Variants in SLC4A10 observed in about 807,000 individuals in gnomAD.
SLC4A10 encodes the protein sodium-driven chloride bicarbonate exchanger.
Under a neutral mutation model 137.7 loss-of-function variants are expected in SLC4A10, and 42 were observed. The ratio of observed to expected loss-of-function variants is 0.30; its 90% CI spans 0.24 to 0.39. SLC4A10 has a LOEUF of 0.39. Ranked by LOEUF, SLC4A10 falls within the 10% of genes least tolerant of loss-of-function variation. The probability of loss-of-function intolerance (pLI) is 1.00; values close to 1 mark genes in which losing one functional copy is unlikely to be tolerated. For missense variants in SLC4A10, 925 were observed against 1,355.0 expected, an observed-to-expected ratio of 0.68 and a Z score of 4.98; for synonymous variants, 474 against 464.1, an observed-to-expected ratio of 1.02 and a Z score of -0.27.
chr2:161,654,995 C>T lies in SLC4A10; in HGVS notation c.48+30429C>T, dbSNP rs146761135. ...GAATATTTAAACAATATTAAATCTT[C>T]GAATTCATGAACACAGGATATCTTT... On this transcript the variant is annotated intron_variant, in intron 1 of 26. Coordinates refer to ENST00000446997, the MANE Select transcript of SLC4A10 (RefSeq NM_001178015.2). Among the ~76,000 whole-genome samples the T allele has an allele frequency of 5.3e-4, 81 of 152,192 alleles. 1 individual carries two copies. The highest frequency in any genetic ancestry group is 1.9e-3 in the African/African-American group (77 of 41,540).
At chr2:161,812,126 T>C (rs1435455723) in intron 3 of SLC4A10, among the ~76,000 whole-genome samples, 1 of 152,110 alleles carries the variant, frequency 6.6e-6, no homozygotes, top group Non-Finnish European at 1.5e-5. Flanking sequence ...TAGGTTTATG[T>C]ATTTTAATCC....
intron 1 of SLC4A10, among the ~76,000 whole-genome samples, chr2:161,762,366 A>T (rs1553532449): frequency 1.3e-5 from 2 of 152,122 alleles, no homozygotes; most frequent in Admixed American, 6.6e-5. Context: ...TTAGATTTCA[A>T]TTCAGTTAGT....
At chr2:161,801,934 T>A (rs2055411618) in intron 2 of SLC4A10, among the ~76,000 whole-genome samples, 1 of 152,132 alleles carries the variant, frequency 6.6e-6, no homozygotes, top group Admixed American at 6.6e-5. Flanking sequence ...CATGTTTTAA[T>A]GAATACTCTA....
chr2:161,909,771 A>G (rs1261318367), intron 15 of SLC4A10, among the ~76,000 whole-genome samples: 1 of 152,244 alleles, frequency 6.6e-6, no homozygotes, highest in Admixed American at 6.5e-5. Flanking sequence ...AATGAAAATA[A>G]GTTATTGCTA....
At chr2:161,758,732 T>A (rs1030424960) in intron 1 of SLC4A10, among the ~76,000 whole-genome samples, 3 of 151,958 alleles carry the variant, frequency 2.0e-5, no homozygotes, top group African/African-American at 7.2e-5. Flanking sequence ...AACTTGCTAA[T>A]TGCATTTAAA....
At chr2:161,723,674 T>G (rs940871046) in intron 1 of SLC4A10, among the ~76,000 whole-genome samples, 2 of 152,178 alleles carry the variant, frequency 1.3e-5, no homozygotes. Context: ...CTCTTAATAG[T>G]GACTATGCAT....
chr2:161,682,287 T>C (rs189170564), intron 1 of SLC4A10, among the ~76,000 whole-genome samples: 2 of 152,308 alleles, frequency 1.3e-5, no homozygotes, highest in East Asian at 3.9e-4. Flanking sequence ...AAAAACTTGC[T>C]TGCCTGTGGA....
At chr2:161,949,599 G>A (rs1694428939) in intron 18 of SLC4A10, among the ~76,000 whole-genome samples, 2 of 151,976 alleles carry the variant, frequency 1.3e-5, no homozygotes, top group South Asian at 4.1e-4. Context: ...CAGTGAATAA[G>A]GCTTGGAAAA....
rs558080032 is a variant in SLC4A10 at position 161,705,839 on chromosome 2, A to G, written c.49-65134A>G. On this transcript the variant is annotated intron_variant, in intron 1 of 26. Coordinates refer to ENST00000446997, the MANE Select transcript of SLC4A10 (RefSeq NM_001178015.2). ...TTTGGCTCTCTCTTCATTCAGTCCAAGGGTGTTCTGCTAGGTTTTGGCTAC... is the reference window on the plus strand; with the variant it reads ...TTTGGCTCTCTCTTCATTCAGTCCAGGGGTGTTCTGCTAGGTTTTGGCTAC... 1.3e-4 allele frequency among the ~76,000 whole-genome samples: 19 copies of G among 151,634 alleles called. No homozygotes were observed. In the East Asian group the frequency reaches 2.7e-3, roughly 22 times the overall value.
chr2:161,754,085 T>A (rs2125320812), intron 1 of SLC4A10, among the ~76,000 whole-genome samples: 1 of 151,734 alleles, frequency 6.6e-6, no homozygotes, highest in African/African-American at 2.4e-5. Flanking sequence ...AGAGTGTGAG[T>A]TTCACTATGT....
chr2:161,685,410 A>G (rs1337231409), intron 1 of SLC4A10, among the ~76,000 whole-genome samples: 1 of 152,176 alleles, frequency 6.6e-6, no homozygotes, highest in Non-Finnish European at 1.5e-5. Context: ...GTTGGAGATC[A>G]GCCTGGCCAA....
chr2:161,915,328 A>G (rs182469996), intron 15 of SLC4A10, among the ~76,000 whole-genome samples: 66 of 152,254 alleles, frequency 4.3e-4, no homozygotes, highest in African/African-American at 9.6e-5. Flanking sequence ...CCATCCTTCA[A>G]TTTGTCCATG....
chr2:161,810,313 A>T (rs1364132936), intron 3 of SLC4A10, among the ~76,000 whole-genome samples: 1 of 152,060 alleles, frequency 6.6e-6, no homozygotes, highest in Admixed American at 6.6e-5. Context: ...ATCAGCAAAG[A>T]GAGATAGTTT....
intron 23 of SLC4A10, among the ~76,000 whole-genome samples, chr2:161,967,081 T>G (rs1697734561): frequency 1.3e-5 from 2 of 152,172 alleles, no homozygotes; most frequent in Non-Finnish European, 2.9e-5. Context: ...ATTGTTATAA[T>G]GTTGATGAGA....
rs532640581 is a variant in SLC4A10, at chr2:161,955,007, GC to G, written c.2542-1979del. On this transcript the variant is annotated intron_variant, in intron 19 of 26. Transcript: ENST00000446997. Reference sequence around the variant, plus strand: ...TGACTCTCAAGGCCCCCTGTCTTCTGCCCTCCTCTGATGCTCATCTCACAGC... The same window carrying G: ...TGACTCTCAAGGCCCCCTGTCTTCTGCCTCCTCTGATGCTCATCTCACAGC... Among the ~76,000 whole-genome samples, 359 of 152,196 alleles carry G rather than the reference GC, an allele frequency of 2.4e-3. 1 individual carries two copies. Among genetic ancestry groups the G allele is most frequent in the African/African-American group, 8.2e-3 (342 of 41,526 alleles).
chr2:161,644,061 T>C (rs577519448), intron 1 of SLC4A10, among the ~76,000 whole-genome samples: 1 of 122,068 alleles, frequency 8.2e-6, no homozygotes, highest in South Asian at 3.0e-4. Context: ...TCCTTCTGGC[T>C]TCTAATCTTT....
chr2:161,739,309 C>A (rs986743211), intron 1 of SLC4A10, among the ~76,000 whole-genome samples: 1 of 152,152 alleles, frequency 6.6e-6, no homozygotes, highest in Non-Finnish European at 1.5e-5. Context: ...TGAGCACACA[C>A]TTTTGAAGGC....
chr2:161,839,192 G>T (rs1559364864), intron 3 of SLC4A10, among the ~76,000 whole-genome samples: 1 of 152,182 alleles, frequency 6.6e-6, no homozygotes, highest in Non-Finnish European at 1.5e-5. Context: ...AAAGGCATTT[G>T]CTAAGTGAAT....
intron 11 of SLC4A10, among the ~76,000 whole-genome samples, chr2:161,896,779 C>T (rs1189961003): frequency 6.6e-6 from 1 of 152,066 alleles, no homozygotes; most frequent in Non-Finnish European, 1.5e-5. Context: ...CTTAGTACTA[C>T]CTAACACACA....
Sources: gnomAD v4.1 joint callset for allele counts (sites outside exome capture counted in the v4.1 genomes callset) on GRCh38, gnomAD v4.1.1 for gene constraint, MANE v1.5 for transcripts, NCBI Gene and HGNC (gene_info 2026-07-23, HGNC 2026-07-21) for gene names.